Variants in PITPNB observed in about 807,000 individuals in gnomAD.
PITPNB encodes the protein phosphatidylinositol transfer protein beta.
A neutral mutation model predicts 45.9 loss-of-function variants in PITPNB; 16 were observed. That is an observed-to-expected ratio of 0.35 (90% CI 0.24 to 0.53). The LOEUF (loss-of-function observed/expected upper bound fraction) is 0.53. Ranked by LOEUF, PITPNB falls within the 20% of genes least tolerant of loss-of-function variation. The probability of loss-of-function intolerance (pLI) is 0.93; values close to 1 mark genes in which losing one functional copy is unlikely to be tolerated. For synonymous variants in PITPNB, 112 were observed against 108.9 expected, an observed-to-expected ratio of 1.03 and a Z score of -0.18; for missense variants, 188 against 330.5, an observed-to-expected ratio of 0.57 and a Z score of 3.34.
intron 7 of PITPNB, among the ~76,000 whole-genome samples, chr22:27,877,189 A>G (rs1483048564): frequency 2.6e-5 from 4 of 152,242 alleles, no homozygotes; most frequent in African/African-American, 9.6e-5. Context: ...TTATGATTCA[A>G]TTTTAATTAT....
intron 7 of PITPNB, among the ~76,000 whole-genome samples, chr22:27,893,620 C>T (rs1179822159): frequency 7.6e-6 from 1 of 131,274 alleles, no homozygotes; most frequent in Non-Finnish European, 1.5e-5. Context: ...GCTAGGATCT[C>T]GCTCTGTCAC....
chr22:27,867,708 A>G (rs932947205), intron 8 of PITPNB, among the ~76,000 whole-genome samples: 1 of 152,216 alleles, frequency 6.6e-6, no homozygotes, highest in Non-Finnish European at 1.5e-5. Flanking sequence ...TGTTTCTGGA[A>G]GTGTCTGGAA....
At chr22:27,897,097 G>T (rs1935457193) in intron 5 of PITPNB, 33 bp downstream of exon 5, 5 of 1,460,616 alleles carry the variant, frequency 3.4e-6, no homozygotes, top group Non-Finnish European at 4.8e-6. Context: ...TAAAGATAAA[G>T]AAAGTATGAG....
intron 3 of PITPNB, among the ~76,000 whole-genome samples, chr22:27,909,650 G>A (rs1158027123): frequency 2.6e-5 from 4 of 152,054 alleles, no homozygotes; most frequent in Non-Finnish European, 5.9e-5. Context: ...ACTCTTGAAG[G>A]GCAATTTTGG....
At chr22:27,916,002 G>T (rs1269147675) in intron 1 of PITPNB, among the ~76,000 whole-genome samples, 1 of 152,238 alleles carries the variant, frequency 6.6e-6, no homozygotes, top group Admixed American at 6.5e-5. Context: ...TGGGAGGCTA[G>T]GCAAGAACTG....
At chr22:27,912,019 T>C (rs1935941714) in intron 2 of PITPNB, among the ~76,000 whole-genome samples, 1 of 152,178 alleles carries the variant, frequency 6.6e-6, no homozygotes, top group Admixed American at 6.5e-5. Context: ...CTATCTTCCA[T>C]CACTTCAAAT....
intron 3 of PITPNB, among the ~76,000 whole-genome samples, chr22:27,909,658 T>A (rs886441317): frequency 1.3e-5 from 2 of 152,198 alleles, no homozygotes; most frequent in Admixed American, 1.3e-4. Context: ...AGGGCAATTT[T>A]GGCAGTAATA....
intron 7 of PITPNB, among the ~76,000 whole-genome samples, chr22:27,887,777 G>C (rs892196066): frequency 1.3e-5 from 2 of 152,164 alleles, no homozygotes; most frequent in Non-Finnish European, 2.9e-5. Flanking sequence ...TCACCCTCAT[G>C]TAATTCCCTC....
intron 8 of PITPNB, among the ~76,000 whole-genome samples, chr22:27,869,713 A>G (rs1412742913): frequency 2.0e-5 from 3 of 152,224 alleles, no homozygotes; most frequent in East Asian, 1.9e-4. Context: ...CAAAAGCATT[A>G]TAACAATAAC....
chr22:27,896,417 G>A (rs1434415896), intron 6 of PITPNB, 135 bp downstream of exon 6: 9 of 683,956 alleles, frequency 1.3e-5, no homozygotes, highest in Non-Finnish European at 1.8e-5. Flanking sequence ...CTGCTTGCCC[G>A]CCTCATCTCA....
At chr22:27,898,554 G>A (rs370307032) in intron 3 of PITPNB, among the ~76,000 whole-genome samples, 29 of 151,942 alleles carry the variant, frequency 1.9e-4, no homozygotes, top group African/African-American at 6.3e-4. Context: ...AGAGTTAGAT[G>A]ACATTATACT....
At chr22:27,885,360 G>A (rs118096969) in intron 7 of PITPNB, among the ~76,000 whole-genome samples, 4,438 of 151,674 alleles carry the variant, frequency 0.029, 103 homozygotes, top group Non-Finnish European at 0.05. Flanking sequence ...TTTTTACTGT[G>A]GTTGTGTATC....
intron 3 of PITPNB, among the ~76,000 whole-genome samples, chr22:27,900,778 C>T (rs1935569804): frequency 6.6e-6 from 1 of 152,158 alleles, no homozygotes. Flanking sequence ...AGAGCATATA[C>T]ATCATTTTGC....
chr22:27,899,816 T>C (rs988938167), intron 3 of PITPNB, among the ~76,000 whole-genome samples: 1 of 152,082 alleles, frequency 6.6e-6, no homozygotes, highest in Non-Finnish European at 1.5e-5. Flanking sequence ...ATGGAACACA[T>C]GAGGATAATT....
At position 27,878,332 on chromosome 22, in the gene PITPNB, G is replaced by C. The variant is rs145610237; in HGVS notation, c.457-4517C>G. Among the ~76,000 whole-genome samples the C allele has an allele frequency of 7.5e-3, 1,137 of 152,018 alleles. 15 individuals are homozygous for C. Among genetic ancestry groups the C allele is most frequent in the African/African-American group, 0.026 (1,068 of 41,442 alleles). ...AATGCCAAACGAATAACTAACTCAA[G>C]CTGACAAAATTCAAGCGAGACTCCA... is the stretch of plus-strand genomic sequence containing the variant. On this transcript the variant is annotated intron_variant, in intron 7 of 11. Transcript: ENST00000335272.
At chr22:27,874,051 T>C (rs1934747902) in intron 7 of PITPNB, among the ~76,000 whole-genome samples, 1 of 152,260 alleles carries the variant, frequency 6.6e-6, no homozygotes, top group South Asian at 2.1e-4. Flanking sequence ...ATAAAAGTCC[T>C]GGACTAGCAA....
chr22:27,853,735 A>C, intron 11 of PITPNB, 72 bp from the exon 12 acceptor site: 1 of 1,038,188 alleles, frequency 9.6e-7, no homozygotes, highest in Non-Finnish European at 1.5e-6. Flanking sequence ...AGCTCGTCAC[A>C]CACACTCTCC....
chr22:27,873,703 A>C, intron 8 of PITPNB, 35 bp downstream of exon 8: 2 of 1,325,726 alleles, frequency 1.5e-6, no homozygotes, highest in East Asian at 4.6e-5. Flanking sequence ...TCTGTTGCCA[A>C]GACTCTGCCT....
Position 27,914,369 on chromosome 22 carries a change from T to A in PITPNB, c.21-22A>T, listed in dbSNP as rs769997164. 7.5e-6 allele frequency: 11 copies of A among 1,476,402 alleles called. No homozygotes were observed. The Admixed American group carries it at 1.2e-4, about 16-fold the overall frequency. 91.5% of individuals were successfully genotyped at this position (1,476,402 alleles called of 1,614,324 possible). A position where few individuals can be genotyped will look rare whatever the true frequency, so the allele number is the denominator to read the frequency against. On this transcript the variant is annotated intron_variant, in intron 1 of 11. Transcript: ENST00000335272. ...ACGGCTAAAAAGACAAAAGAAAAAATATATATATTACATATGAAATAGCTT... is the reference window on the plus strand; with the variant it reads ...ACGGCTAAAAAGACAAAAGAAAAAAAATATATATTACATATGAAATAGCTT...
Sources: allele counts gnomAD v4.1 joint callset (sites outside exome capture counted in the v4.1 genomes callset), GRCh38; gene constraint gnomAD v4.1.1; transcripts MANE v1.5; gene names NCBI Gene and HGNC (gene_info 2026-07-23, HGNC 2026-07-21).